The following RTL9 variants were observed in gnomAD, a reference collection of about 807,000 sequenced individuals.
The protein encoded by RTL9 is retrotransposon Gag-like protein 9.
RTL9 carries 19 observed loss-of-function variants against 44.7 expected under a neutral mutation model. The ratio of observed to expected loss-of-function variants is 0.42; its 90% CI spans 0.30 to 0.62. RTL9 has a LOEUF of 0.62. Among genes scored for constraint, RTL9 ranks in the 20% least tolerant of loss-of-function variants. The probability of loss-of-function intolerance (pLI) is 0.16; values close to 1 mark genes in which losing one functional copy is unlikely to be tolerated. For synonymous variants in RTL9, 407 were observed against 398.9 expected (o/e 1.02, Z -0.24); for missense variants, 1,105 against 1,080.6 (o/e 1.02, Z -0.32).
chrX:110,381,173 TA>T (rs1042769600), intron 1 of RTL9, among the ~76,000 whole-genome samples: 4 of 111,797 alleles, frequency 3.6e-5, no homozygotes, highest in African/African-American at 1.3e-4. Context: ...AAAATATTCA[TA>T]AACTATGCAT....
Position 110,371,506 on chromosome X carries a change from C to T in RTL9, c.-168+12590C>T, listed in dbSNP as rs776804228. Among the ~76,000 whole-genome samples the T allele has an allele frequency of 4.5e-5, 5 of 111,235 alleles. No individual in the cohort carries two copies. In the South Asian group the frequency reaches 1.9e-3, roughly 43 times the overall value. On this transcript the variant is annotated intron_variant, in intron 1 of 2. Transcript: ENST00000520821. The stretch of plus-strand genomic sequence containing the variant: ...GATCTTATTCATTCTATTTTTTGTA[C>T]CCATTGACCATCCCCAACTCCCCCC...
chrX:110,378,410 A>G (rs1258836427), intron 1 of RTL9, among the ~76,000 whole-genome samples: 3 of 111,675 alleles, frequency 2.7e-5, no homozygotes, highest in Non-Finnish European at 5.6e-5. Context: ...TATCCAAAGT[A>G]TCCTAAACAT....
chrX:110,442,373 C>T (rs1306787987), intron 1 of RTL9, among the ~76,000 whole-genome samples: 2 of 109,660 alleles, frequency 1.8e-5, no homozygotes, highest in Non-Finnish European at 3.8e-5. Flanking sequence ...ATGTTTAAAA[C>T]GTTGTACGGG....
At chrX:110,425,881 G>A (rs2068749317) in intron 1 of RTL9, among the ~76,000 whole-genome samples, 1 of 112,525 alleles carries the variant, frequency 8.9e-6, no homozygotes, top group Non-Finnish European at 1.9e-5. Flanking sequence ...ATAGACAAAT[G>A]TATTCATTTC....
intron 1 of RTL9, among the ~76,000 whole-genome samples, chrX:110,365,807 G>A (rs1205472545): frequency 8.9e-6 from 1 of 111,914 alleles, no homozygotes; most frequent in Non-Finnish European, 1.9e-5. Flanking sequence ...CAAAGAGTGA[G>A]CGAGGTGATC....
At chrX:110,364,667 G>A (rs1245837022) in intron 1 of RTL9, among the ~76,000 whole-genome samples, 4 of 111,784 alleles carry the variant, frequency 3.6e-5, no homozygotes, top group Non-Finnish European at 7.5e-5. Flanking sequence ...TTTGGAACCT[G>A]TGAAGCTGAT....
chrX:110,411,907 C>T (rs1348466886), intron 1 of RTL9, among the ~76,000 whole-genome samples: 1 of 112,362 alleles, frequency 8.9e-6, no homozygotes, highest in African/African-American at 3.2e-5. Flanking sequence ...GCCTGGCATA[C>T]AGTAGGTACT....
At chrX:110,451,600 C>T (rs2068941405) in exon 1 of RTL9, 1 of 1,210,044 alleles carries the variant, frequency 8.3e-7, no homozygotes, top group African/African-American at 1.8e-5. Flanking sequence ...CTGTCAGTCC[C>T]AGATGCTGGA....
chrX:110,440,669 C>T (rs2068873919), intron 1 of RTL9, among the ~76,000 whole-genome samples: 1 of 112,540 alleles, frequency 8.9e-6, no homozygotes, highest in African/African-American at 3.2e-5. Flanking sequence ...GCATTTCAAA[C>T]AAAGGAACTG....
intron 1 of RTL9, among the ~76,000 whole-genome samples, chrX:110,372,841 A>G (rs1381248690): frequency 9.0e-6 from 1 of 111,664 alleles, no homozygotes; most frequent in South Asian, 3.8e-4. Flanking sequence ...GAAAAATGGG[A>G]CCAGGTATAT....
chrX:110,387,847 C>T (rs1295216280), intron 1 of RTL9, among the ~76,000 whole-genome samples: 1 of 104,170 alleles, frequency 9.6e-6, no homozygotes, highest in Admixed American at 1.0e-4. Flanking sequence ...TGATCGTTAT[C>T]TCCCTCTCTC....
intron 1 of RTL9, among the ~76,000 whole-genome samples, chrX:110,384,244 T>G (rs759296358): frequency 9.0e-6 from 1 of 111,103 alleles, no homozygotes; most frequent in South Asian, 3.9e-4. Context: ...GTGTTAAGTA[T>G]GGGCTCATTA....
At chrX:110,441,279 C>A (rs1364351428) in intron 1 of RTL9, among the ~76,000 whole-genome samples, 1 of 111,903 alleles carries the variant, frequency 8.9e-6, no homozygotes, top group African/African-American at 3.3e-5. Context: ...CAGGGTTTGG[C>A]ACTCTCAGTA....
intron 1 of RTL9, among the ~76,000 whole-genome samples, chrX:110,366,576 C>G (rs1447532812): frequency 9.0e-6 from 1 of 111,360 alleles, no homozygotes. Flanking sequence ...CCCTCAGCCC[C>G]CTAGTGTCTC....
chrX:110,452,536 T>A, exon 1 of RTL9: 1 of 1,211,462 alleles, frequency 8.3e-7, no homozygotes, highest in Non-Finnish European at 1.1e-6. Flanking sequence ...TCTGAAGCAA[T>A]GCCCACACTG....
chrX:110,410,357 T>G (rs769186316), intron 1 of RTL9, among the ~76,000 whole-genome samples: 1 of 112,067 alleles, frequency 8.9e-6, no homozygotes, highest in South Asian at 3.8e-4. Flanking sequence ...TACATTTACT[T>G]CAGAGTTTGG....
chrX:110,403,461 C>A (rs2068578111), intron 1 of RTL9, among the ~76,000 whole-genome samples: 1 of 111,748 alleles, frequency 8.9e-6, no homozygotes, highest in Non-Finnish European at 1.9e-5. Context: ...GACAGACACA[C>A]ACACACGCAT....
chrX:110,446,616 C>A (rs966358794), upstream of RTL9, among the ~76,000 whole-genome samples: 2 of 111,588 alleles, frequency 1.8e-5, no homozygotes, highest in African/African-American at 6.5e-5. Flanking sequence ...CCCCTCTAAT[C>A]CCATCATTCA....
At chrX:110,404,793 CTAAT>C (rs1347458305) in intron 1 of RTL9, among the ~76,000 whole-genome samples, 1 of 111,537 alleles carries the variant, frequency 9.0e-6, no homozygotes, top group African/African-American at 3.3e-5. Context: ...GTTAAACTCA[CTAAT>C]TAAGCCTGTT....
Sources: gnomAD v4.1 joint callset for allele counts (sites outside exome capture counted in the v4.1 genomes callset) on GRCh38, gnomAD v4.1.1 for gene constraint, MANE v1.5 for transcripts, NCBI Gene and HGNC (gene_info 2026-07-23, HGNC 2026-07-21) for gene names.